NEK7: variants seen among roughly 807,000 people sequenced by gnomAD.
NEK7 encodes NIMA related kinase 7, also known as serine/threonine-protein kinase Nek7.
In NEK7, 18 loss-of-function variants were observed where a neutral mutation model predicts 44.6. The observed-to-expected ratio is 0.40, with a 90% CI of 0.28 to 0.60. The LOEUF (loss-of-function observed/expected upper bound fraction) is 0.60, where lower values mean the gene tolerates loss of function less well. Among genes scored for constraint, NEK7 ranks in the 20% least tolerant of loss-of-function variants. The pLI, the probability that NEK7 is intolerant of heterozygous loss-of-function variation, is 0.38. For missense variants in NEK7, 256 were observed against 366.5 expected (o/e 0.70, Z 2.46); for synonymous variants, 130 against 121.1 (o/e 1.07, Z -0.48).
chr1:198,288,296 G>A (rs779118264), intron 7 of NEK7, among the ~76,000 whole-genome samples: 5 of 152,092 alleles, frequency 3.3e-5, no homozygotes, highest in African/African-American at 9.7e-5. Flanking sequence ...AATTTTAAAC[G>A]GTGTACCTTT....
intron 9 of NEK7, among the ~76,000 whole-genome samples, chr1:198,305,873 A>C (rs1363785721): frequency 6.6e-6 from 1 of 152,170 alleles, no homozygotes; most frequent in African/African-American, 2.4e-5. Context: ...TGAAAGTCTA[A>C]TAACCTAACA....
At chr1:198,254,448 T>A (rs945030505) in intron 3 of NEK7, among the ~76,000 whole-genome samples, 1 of 152,178 alleles carries the variant, frequency 6.6e-6, no homozygotes, top group African/African-American at 2.4e-5. Context: ...ATATATGTAT[T>A]ACACGCACAC....
intron 5 of NEK7, among the ~76,000 whole-genome samples, 193 bp downstream of exon 5, chr1:198,264,428 C>T (rs1364242323): frequency 6.6e-6 from 1 of 152,020 alleles, no homozygotes; most frequent in African/African-American, 2.4e-5. Flanking sequence ...GATGTTTACA[C>T]TGATCAGCTT....
chr1:198,241,778 T>C (rs1371455638), intron 2 of NEK7, among the ~76,000 whole-genome samples: 1 of 152,202 alleles, frequency 6.6e-6, no homozygotes, highest in Non-Finnish European at 1.5e-5. Context: ...ATGAGATGAA[T>C]CAAGTTTTTA....
At chr1:198,292,309 C>G (rs1654584158) in intron 7 of NEK7, among the ~76,000 whole-genome samples, 1 of 151,948 alleles carries the variant, frequency 6.6e-6, no homozygotes, top group African/African-American at 2.4e-5. Context: ...AGTGTCTTGT[C>G]TCTAAAAAGG....
At chr1:198,291,518 A>T (rs981984844) in intron 7 of NEK7, among the ~76,000 whole-genome samples, 1 of 152,238 alleles carries the variant, frequency 6.6e-6, no homozygotes, top group African/African-American at 2.4e-5. Flanking sequence ...TGGCGTATTT[A>T]CCTGTTTGTC....
chr1:198,171,254 G>A (rs1312965666), intron 1 of NEK7, among the ~76,000 whole-genome samples: 1 of 151,964 alleles, frequency 6.6e-6, no homozygotes, highest in African/African-American at 2.4e-5. Flanking sequence ...ATTTAAAATT[G>A]AGTTGAATTT....
intron 5 of NEK7, among the ~76,000 whole-genome samples, chr1:198,272,224 C>T (rs921713535): frequency 4.0e-5 from 6 of 151,556 alleles, no homozygotes; most frequent in African/African-American, 9.7e-5. Flanking sequence ...AGGTGATGTA[C>T]GAACTTTGAA....
intron 1 of NEK7, among the ~76,000 whole-genome samples, chr1:198,169,256 T>A (rs748543996): frequency 9.2e-5 from 14 of 152,202 alleles, no homozygotes; most frequent in Non-Finnish European, 1.6e-4. Flanking sequence ...CTAAATGAGA[T>A]GCTTCTTATT....
Position 198,232,602 on chromosome 1 carries a change from A to G in NEK7, c.22A>G (p.Met8Val). The change falls in exon 2 of 10, where the codon ATG becomes GTG. Residue 8 changes from methionine (M) to valine (V), a missense_variant. Met to Val is a conservative substitution (Grantham distance 21). Transcript: ENST00000367385. The stretch of plus-strand genomic sequence containing the variant: ...GACAATGGATGAGCAATCACAAGGA[A>G]TGCAAGGGCCACCTGTTCCTCAGTT... The part of the protein sequence containing the change: MDEQSQG[M>V]QGPPVPQFQP... 1 of 1,606,792 alleles carries G rather than the reference A, an allele frequency of 6.2e-7. No individual in the cohort carries two copies. The highest frequency in any genetic ancestry group is 8.5e-7 in the Non-Finnish European group (1 of 1,173,592).
intron 1 of NEK7, among the ~76,000 whole-genome samples, chr1:198,213,304 G>A (rs575481511): frequency 6.6e-6 from 1 of 152,292 alleles, no homozygotes; most frequent in Admixed American, 6.5e-5. Flanking sequence ...TTACACTAGT[G>A]GAAAGTTTCA....
At chr1:198,182,036 G>A (rs569739670) in intron 1 of NEK7, among the ~76,000 whole-genome samples, 55 of 152,092 alleles carry the variant, frequency 3.6e-4, no homozygotes, top group African/African-American at 1.2e-3. Flanking sequence ...TCAAATATGC[G>A]TAGATATTTT....
chr1:198,273,407 C>T lies in NEK7; in HGVS notation c.373-4554C>T, dbSNP rs532653853. Among the ~76,000 whole-genome samples, 152 of 151,624 alleles carry T rather than the reference C, an allele frequency of 1.0e-3. 2 individuals are homozygous for T. The highest frequency in any genetic ancestry group is 3.4e-3 in the Middle Eastern group (1 of 294). On this transcript the variant is annotated intron_variant, in intron 5 of 9. Transcript: ENST00000367385. The stretch of plus-strand genomic sequence containing the variant: ...GTTTGTTGATACCTCATTATGCCTT[C>T]CAAAGAAAAATGTTTCCATAGAAAG...
chr1:198,205,484 AG>A (rs1665567346), intron 1 of NEK7, among the ~76,000 whole-genome samples: 1 of 152,194 alleles, frequency 6.6e-6, no homozygotes, highest in Non-Finnish European at 1.5e-5. Context: ...AAACAAAAAA[AG>A]CTCCATGGGT....
Position 198,219,265 on chromosome 1 carries a change from A to G in NEK7, c.-28-13288A>G, listed in dbSNP as rs541408246. ...ATGTATATTTTACATAAAAATGTTT[A>G]TAATTTTCTATTTTTATATATAATT... On this transcript the variant is annotated intron_variant, in intron 1 of 9. Coordinates refer to ENST00000367385, the MANE Select transcript of NEK7 (RefSeq NM_133494.3). 2.7e-5 allele frequency among the ~76,000 whole-genome samples: 4 copies of G among 149,810 alleles called. No individual in the cohort carries two copies. The South Asian group carries it at 8.4e-4, about 31-fold the overall frequency.
At chr1:198,186,381 G>A (rs533576108) in intron 1 of NEK7, among the ~76,000 whole-genome samples, 1 of 152,286 alleles carries the variant, frequency 6.6e-6, no homozygotes, top group East Asian at 1.9e-4. Context: ...ATTGTGTAAA[G>A]AGCAAAAGAG....
intron 1 of NEK7, among the ~76,000 whole-genome samples, chr1:198,199,853 T>TA (rs966974227): frequency 2.1e-4 from 32 of 151,588 alleles, no homozygotes; most frequent in African/African-American, 7.0e-4. Context: ...AACTTAGAAT[T>TA]AAAAAAAAAG....
At chr1:198,299,336 C>T in intron 9 of NEK7, among the ~76,000 whole-genome samples, 1 of 152,144 alleles carries the variant, frequency 6.6e-6, no homozygotes, top group East Asian at 1.9e-4. Context: ...ATTTTCTCTC[C>T]TTAAGCAGGA....
At chr1:198,197,518 T>A (rs757149681) in intron 1 of NEK7, among the ~76,000 whole-genome samples, 2 of 152,172 alleles carry the variant, frequency 1.3e-5, no homozygotes, top group East Asian at 3.9e-4. Context: ...TTTTCAACAT[T>A]TAGTTTATCA....
Sources: gnomAD v4.1 joint callset for allele counts (sites outside exome capture counted in the v4.1 genomes callset) on GRCh38, gnomAD v4.1.1 for gene constraint, MANE v1.5 for transcripts, NCBI Gene and HGNC (gene_info 2026-07-23, HGNC 2026-07-21) for gene names.